NRXN3: variants seen among roughly 807,000 people sequenced by gnomAD.
NRXN3 encodes the protein neurexin III.
NRXN3 carries 32 observed loss-of-function variants against 137.6 expected under a neutral mutation model. The observed-to-expected ratio is 0.23, with a 90% CI of 0.18 to 0.31. NRXN3 has a LOEUF of 0.31. Among genes scored for constraint, NRXN3 ranks in the 10% least tolerant of loss-of-function variants. The pLI is 1.00. For synonymous variants in NRXN3, 798 were observed against 784.5 expected, an observed-to-expected ratio of 1.02 and a Z score of -0.29; for missense variants, 1,574 against 2,062.5, an observed-to-expected ratio of 0.76 and a Z score of 4.59.
rs138974372 is a variant in NRXN3, at chr14:78,738,564, T to A, written c.2044+23425T>A. Among the ~76,000 whole-genome samples, 29 of 152,264 alleles carry A rather than the reference T, an allele frequency of 1.9e-4. No individual in the cohort carries two copies. In the East Asian group the frequency reaches 5.2e-3, roughly 27 times the overall value. ...GAAGCACCTGCCAGAGAGCTTTATGTCATCAGCCATGGGAACTTCTTCCAT... is the reference window on the plus strand; with the variant it reads ...GAAGCACCTGCCAGAGAGCTTTATGACATCAGCCATGGGAACTTCTTCCAT... On this transcript the variant is annotated intron_variant, in intron 8 of 20. Transcript: ENST00000335750.
In NRXN3 at chr14:78,243,401, A is replaced by G. The variant is rs766146129; in HGVS notation, c.308A>G (p.Gln103Arg). 5 of 1,567,872 alleles carry G rather than the reference A, an allele frequency of 3.2e-6. No homozygotes were observed. Among genetic ancestry groups the G allele is most frequent in the Non-Finnish European group, 3.4e-6 (4 of 1,164,436 alleles). Reference protein sequence around the residue: ...CAETAVLSNKQVNDSSWHFLM... With the variant: ...CAETAVLSNKRVNDSSWHFLM... ...GAGACTGCCGTGCTGTCCAACAAGC[A>G]GGTGAATGACAGCAGCTGGCACTTC... The change falls in exon 2 of 21, where the codon CAG (glutamine) becomes CGG (arginine). Residue 103 changes from glutamine (Q) to arginine (R), a missense_variant. Gln to Arg is a conservative substitution (Grantham distance 43). Coordinates refer to ENST00000335750, the MANE Select transcript of NRXN3 (RefSeq NM_001330195.2). This position sits in a 1 kb window ranked among gnomAD's most constrained non-coding sequence, Gnocchi z 4.2.
chr14:79,856,670 C>T (rs550016422), intron 20 of NRXN3, among the ~76,000 whole-genome samples: 1 of 149,788 alleles, frequency 6.7e-6, no homozygotes, highest in Non-Finnish European at 1.5e-5. Context: ...TCACCCACAA[C>T]ATTCTCACAG....
chr14:79,417,971 AAAAG>A (rs1211935307), intron 15 of NRXN3, among the ~76,000 whole-genome samples: 2 of 152,152 alleles, frequency 1.3e-5, no homozygotes, highest in African/African-American at 4.8e-5. Flanking sequence ...TGGAAAAAAA[AAAAG>A]AAGAAGAAAA....
chr14:79,738,315 CCACACA>C (rs10539564), intron 19 of NRXN3, among the ~76,000 whole-genome samples: 18 of 138,048 alleles, frequency 1.3e-4, no homozygotes, highest in African/African-American at 2.8e-4. Context: ...ATTTCCCCCG[CCACACA>C]CACACACACA....
At chr14:78,205,450 T>C (rs996812178) in intron 1 of NRXN3, among the ~76,000 whole-genome samples, 1 of 152,272 alleles carries the variant, frequency 6.6e-6, no homozygotes, top group Non-Finnish European at 1.5e-5. Flanking sequence ...TTGAAGTACT[T>C]ACACTTTGCT....
At chr14:78,481,312 A>C (rs576114415) in intron 4 of NRXN3, among the ~76,000 whole-genome samples, 4 of 152,238 alleles carry the variant, frequency 2.6e-5, no homozygotes, top group Non-Finnish European at 5.9e-5. Context: ...TTATCAAGTT[A>C]ACTGTCCACT....
chr14:79,575,792 G>C (rs1205714103), intron 16 of NRXN3, among the ~76,000 whole-genome samples: 3 of 152,156 alleles, frequency 2.0e-5, no homozygotes, highest in African/African-American at 4.8e-5. Context: ...AAATCGGGGA[G>C]GGTGCTCCTG....
chr14:79,292,187 T>C (rs1284270310), intron 15 of NRXN3, among the ~76,000 whole-genome samples: 1 of 152,168 alleles, frequency 6.6e-6, no homozygotes, highest in African/African-American at 2.4e-5. Context: ...GATTCACAAA[T>C]TCTATTACAT....
At chr14:78,669,506 A>G (rs1156911822) in intron 6 of NRXN3, among the ~76,000 whole-genome samples, 3 of 152,144 alleles carry the variant, frequency 2.0e-5, no homozygotes, top group African/African-American at 7.2e-5. Context: ...CAAGAGGTAT[A>G]TATTTATTAA....
chr14:78,417,307 T>G (rs2093195258), intron 4 of NRXN3, among the ~76,000 whole-genome samples: 1 of 152,248 alleles, frequency 6.6e-6, no homozygotes, highest in African/African-American at 2.4e-5. Flanking sequence ...GTTCATGTCC[T>G]TCTGTCTGCC....
intron 10 of NRXN3, among the ~76,000 whole-genome samples, chr14:78,888,987 A>G (rs570429169): frequency 6.6e-6 from 1 of 152,058 alleles, no homozygotes; most frequent in Admixed American, 6.6e-5. Flanking sequence ...CATCTATAAG[A>G]TGGGAGATAT....
intron 4 of NRXN3, among the ~76,000 whole-genome samples, chr14:78,588,037 A>G (rs1315846352): frequency 3.3e-5 from 5 of 152,226 alleles, no homozygotes; most frequent in Admixed American, 1.3e-4. Flanking sequence ...GCAAGAATAA[A>G]TCATTAAACA....
At chr14:78,395,036 A>G (rs1598193235) in intron 4 of NRXN3, among the ~76,000 whole-genome samples, 1 of 151,616 alleles carries the variant, frequency 6.6e-6, no homozygotes, top group East Asian at 1.9e-4. Context: ...TTAATTTTCT[A>G]TACTTATTTC....
chr14:78,421,194 C>T (rs1488388556), intron 4 of NRXN3, among the ~76,000 whole-genome samples: 7 of 149,656 alleles, frequency 4.7e-5, no homozygotes, highest in South Asian at 2.1e-4. Context: ...ACCCGGGAGG[C>T]GGAGCTTGCA....
intron 2 of NRXN3, 41 bp from the exon 3 acceptor site, chr14:78,278,604 C>A (rs1268470435): frequency 6.6e-7 from 1 of 1,512,176 alleles, no homozygotes; most frequent in Admixed American, 2.0e-5. Flanking sequence ...CCCCTTTTCT[C>A]TCCTCTCTCC....
At chr14:79,122,761 C>G (rs1358773560) in intron 15 of NRXN3, among the ~76,000 whole-genome samples, 2 of 152,118 alleles carry the variant, frequency 1.3e-5, no homozygotes, top group Non-Finnish European at 2.9e-5. Flanking sequence ...TTACCAAGTG[C>G]CTATTACGTG....
intron 8 of NRXN3, chr14:78,744,912 C>T (rs1405307154): frequency 6.6e-6 from 1 of 152,194 alleles, no homozygotes. Context: ...TTCATGGTTT[C>T]AGCCTGGACA....
intron 15 of NRXN3, among the ~76,000 whole-genome samples, chr14:79,385,204 T>TCCCCCCTC (rs557799323): frequency 1.1e-5 from 1 of 90,504 alleles, no homozygotes; most frequent in Non-Finnish European, 2.4e-5. Context: ...ATGCTATCCT[T>TCCCCCCTC]CCCCCCGCCC....
At chr14:79,771,677 T>C (rs1447391660) in intron 19 of NRXN3, among the ~76,000 whole-genome samples, 2 of 124,568 alleles carry the variant, frequency 1.6e-5, no homozygotes, top group East Asian at 4.4e-4. Flanking sequence ...TCATACTGAA[T>C]GGGCAAAAAC....
Sources: gnomAD v4.1 joint callset for allele counts (sites outside exome capture counted in the v4.1 genomes callset) on GRCh38, gnomAD v4.1.1 for gene constraint, Gnocchi (gnomAD v3.1) non-coding constraint, MANE v1.5 for transcripts, NCBI Gene and HGNC (gene_info 2026-07-23, HGNC 2026-07-21) for gene names.